Variants in CPQ observed in about 807,000 individuals in gnomAD.
CPQ encodes the protein Ser-Met dipeptidase.
Under a neutral mutation model 45.7 loss-of-function variants are expected in CPQ, and 37 were observed. That is an observed-to-expected ratio of 0.81 (90% CI 0.62 to 1.07). The LOEUF is 1.07. Among genes scored for constraint, CPQ ranks in the 50% least tolerant of loss-of-function variants. CPQ has a pLI of 0.00. For synonymous variants in CPQ, 186 were observed against 205.8 expected, an observed-to-expected ratio of 0.90 and a Z score of 0.82; for missense variants, 537 against 572.9, an observed-to-expected ratio of 0.94 and a Z score of 0.64.
chr8:96,650,599 A>C (rs1344402680), intron 1 of CPQ, among the ~76,000 whole-genome samples: 1 of 152,138 alleles, frequency 6.6e-6, no homozygotes, highest in African/African-American at 2.4e-5. Context: ...TGCTTTGTCC[A>C]TTGTATCAAC....
At chr8:97,023,042 GTATA>G (rs1265189181) in intron 5 of CPQ, among the ~76,000 whole-genome samples, 8 of 41,536 alleles carry the variant, frequency 1.9e-4, no homozygotes, top group African/African-American at 4.6e-4. Flanking sequence ...TATATATACA[GTATA>G]TATACTGTAT....
intron 4 of CPQ, among the ~76,000 whole-genome samples, chr8:96,935,787 C>T (rs1054846467): frequency 1.3e-5 from 2 of 152,088 alleles, no homozygotes; most frequent in Non-Finnish European, 2.9e-5. Context: ...TACTTTGTGG[C>T]ATAGCATAAA....
intron 4 of CPQ, among the ~76,000 whole-genome samples, chr8:96,885,763 C>T (rs1165308340): frequency 6.6e-6 from 1 of 152,082 alleles, no homozygotes; most frequent in Non-Finnish European, 1.5e-5. Flanking sequence ...CCGAGGCGGG[C>T]AGATAACTAG....
intron 5 of CPQ, among the ~76,000 whole-genome samples, chr8:97,014,943 G>A (rs7831802): frequency 0.67 from 101,349 of 151,990 alleles, 33,958 homozygotes; most frequent in African/African-American, 0.74. Flanking sequence ...GCTGTTTGGT[G>A]TTGAAAAGGG....
chr8:96,678,115 A>T (rs541085884), intron 1 of CPQ, among the ~76,000 whole-genome samples: 9 of 152,146 alleles, frequency 5.9e-5, no homozygotes, highest in African/African-American at 2.2e-4. Context: ...GGATGCTTCC[A>T]GATTTGTTCT....
chr8:96,726,498 A>G (rs1374333495), intron 1 of CPQ, among the ~76,000 whole-genome samples: 1 of 152,122 alleles, frequency 6.6e-6, no homozygotes, highest in Non-Finnish European at 1.5e-5. Flanking sequence ...ACATACAATC[A>G]TAGTGGAAGG....
At chr8:97,073,492 T>C (rs921191707) in intron 7 of CPQ, among the ~76,000 whole-genome samples, 4 of 152,172 alleles carry the variant, frequency 2.6e-5, no homozygotes, top group African/African-American at 4.8e-5. Flanking sequence ...TTTGAAGGGA[T>C]TGATGCTCCA....
intron 3 of CPQ, among the ~76,000 whole-genome samples, chr8:96,856,274 G>C (rs1040718955): frequency 6.6e-6 from 1 of 152,200 alleles, no homozygotes; most frequent in Non-Finnish European, 1.5e-5. Context: ...AATAGTCCAG[G>C]TGAGAAATTA....
At chr8:96,908,141 T>C (rs1311101370) in intron 4 of CPQ, among the ~76,000 whole-genome samples, 1 of 147,072 alleles carries the variant, frequency 6.8e-6, no homozygotes, top group African/African-American at 2.5e-5. Context: ...TGTGTGTGTG[T>C]GTCTGTGTGT....
intron 1 of CPQ, among the ~76,000 whole-genome samples, chr8:96,653,832 T>G: frequency 6.6e-6 from 1 of 151,764 alleles, no homozygotes; most frequent in East Asian, 1.9e-4. Context: ...GTGGCAGAGG[T>G]GGAAGAAGCG....
chr8:97,111,307 A>C (rs1811494482), intron 7 of CPQ, among the ~76,000 whole-genome samples: 1 of 152,146 alleles, frequency 6.6e-6, no homozygotes. Context: ...TACGTCTATG[A>C]AGGCTTCCCA....
At chr8:96,962,555 G>A (rs1195949851) in intron 4 of CPQ, among the ~76,000 whole-genome samples, 1 of 152,158 alleles carries the variant, frequency 6.6e-6, no homozygotes, top group Non-Finnish European at 1.5e-5. Context: ...GCATTTCTGG[G>A]TAGTCTGTTT....
At chr8:96,913,654 C>T (rs1812696296) in intron 4 of CPQ, among the ~76,000 whole-genome samples, 1 of 152,162 alleles carries the variant, frequency 6.6e-6, no homozygotes, top group South Asian at 2.1e-4. Context: ...CTTTGTGTTT[C>T]CCATCTCTCA....
At chr8:96,674,274 C>G (rs2130723109) in intron 1 of CPQ, among the ~76,000 whole-genome samples, 1 of 152,156 alleles carries the variant, frequency 6.6e-6, no homozygotes, top group Admixed American at 6.5e-5. Flanking sequence ...CCTTTTTTCC[C>G]CCTGTCCTTA....
At chr8:96,713,346 C>T (rs893071541) in intron 1 of CPQ, among the ~76,000 whole-genome samples, 4 of 152,150 alleles carry the variant, frequency 2.6e-5, no homozygotes, top group Admixed American at 1.3e-4. Flanking sequence ...TTTACAGCAG[C>T]GCCCCATTCC....
At chr8:96,914,762 C>T (rs866992419) in intron 4 of CPQ, among the ~76,000 whole-genome samples, 9 of 152,034 alleles carry the variant, frequency 5.9e-5, no homozygotes, top group African/African-American at 1.2e-4. Flanking sequence ...TCCAGCACAC[C>T]GAACAGGAAG....
At chr8:97,119,901 A>G (rs1811668865) in intron 7 of CPQ, among the ~76,000 whole-genome samples, 1 of 152,228 alleles carries the variant, frequency 6.6e-6, no homozygotes, top group Admixed American at 6.5e-5. Flanking sequence ...ATTTTAGTCC[A>G]TGATCAAGAC....
intron 1 of CPQ, among the ~76,000 whole-genome samples, chr8:96,730,862 C>CATATATATATATATAT (rs1490194461): frequency 4.4e-4 from 13 of 29,388 alleles, no homozygotes; most frequent in African/African-American, 1.2e-3. Context: ...ATTAACCATA[C>CATATATATATATATAT]ATACATATAT....
At chr8:96,976,259 A>C (rs1028470228) in intron 5 of CPQ, among the ~76,000 whole-genome samples, 4 of 150,632 alleles carry the variant, frequency 2.7e-5, no homozygotes, top group Admixed American at 1.3e-4. Flanking sequence ...AAAAAAAAAA[A>C]AAAAAAAAAA....
Sources: gnomAD v4.1 joint callset for allele counts (sites outside exome capture counted in the v4.1 genomes callset) on GRCh38, gnomAD v4.1.1 for gene constraint, MANE v1.5 for transcripts, NCBI Gene and HGNC (gene_info 2026-07-23, HGNC 2026-07-21) for gene names.